Variants in DSC2 observed in about 807,000 individuals in gnomAD.
DSC2 encodes desmocollin 2.
DSC2 carries 51 observed loss-of-function variants against 87.6 expected under a neutral mutation model. The observed-to-expected ratio is 0.58, with a 90% CI of 0.46 to 0.74. The LOEUF is 0.74. Ranked by LOEUF, DSC2 falls within the 30% of genes least tolerant of loss-of-function variation. DSC2 has a pLI of 0.00. For missense variants in DSC2, 1,066 were observed against 1,089.5 expected (o/e 0.98, Z 0.30); for synonymous variants, 383 against 393.2 (o/e 0.97, Z 0.31).
At chr18:31,068,393 T>C (rs1986704099) in intron 15 of DSC2, 181 bp from the exon 16 acceptor site, 1 of 1,561,356 alleles carries the variant, frequency 6.4e-7, no homozygotes, top group Admixed American at 1.7e-5. Flanking sequence ...CATCACACTA[T>C]AAATTCAGTA....
At position 31,082,912 on chromosome 18, in the gene DSC2, T is replaced by C; in HGVS notation, c.1077+14A>G. On this transcript the variant is annotated intron_variant, in intron 8 of 15. Coordinates refer to ENST00000280904, the MANE Select transcript of DSC2 (RefSeq NM_024422.6). ...GGTCTATACATTTTTCTTTAATTAA[T>C]ATCATACACTTACAGAAGTACGAGT... 6.2e-7 allele frequency: 1 copy of C among 1,612,452 alleles called. No homozygotes were observed. Among genetic ancestry groups the C allele is most frequent in the Non-Finnish European group, 8.5e-7 (1 of 1,179,432 alleles).
In DSC2 at chr18:31,102,101, G is replaced by A; in HGVS notation, c.-130C>T. The A allele has an allele frequency of 2.6e-6, 2 of 756,552 alleles. No homozygotes were observed. The highest frequency in any genetic ancestry group is 4.1e-5 in the Admixed American group (1 of 24,342). The allele number at this position is 756,552 out of a possible 1,614,324, so 46.9% of individuals were successfully genotyped here. A position where few individuals can be genotyped will look rare whatever the true frequency, so the allele number is the denominator to read the frequency against. ...AGGAGCGCGAGGCGGAGGAGGTGGG[G>A]CGCGCGGAGAGGTGCTTTTCTTAGC... On this transcript the variant is annotated 5_prime_UTR_variant, in exon 1 of 16. Transcript: ENST00000280904.
At chr18:31,083,887 A>G (rs1243606976) in intron 7 of DSC2, among the ~76,000 whole-genome samples, 1 of 152,216 alleles carries the variant, frequency 6.6e-6, no homozygotes, top group Non-Finnish European at 1.5e-5. Flanking sequence ...AATTAAAAAC[A>G]ATACAGTAAT....
chr18:31,074,876 A>T lies in DSC2; in HGVS notation c.1695T>A (p.Ile565=). 1 of 1,613,930 alleles carries T rather than the reference A, an allele frequency of 6.2e-7. No homozygotes were observed. The highest frequency in any genetic ancestry group is 8.5e-7 in the Non-Finnish European group (1 of 1,179,938). Residue 565 remains isoleucine, a synonymous_variant, in exon 12 of 16, where the codon ATT becomes ATA. Transcript: ENST00000280904. The part of the protein sequence containing the change: ...GGRTCTGTLG[I]ILQDVNDNSP... ...TGTTATCATTCACGTCTTGAAGTAT[A>T]ATGCCCAGTGTCCCCGTACATGTTC... is the stretch of plus-strand genomic sequence containing the variant.
At chr18:31,078,378 A>C (rs940621771) in intron 11 of DSC2, among the ~76,000 whole-genome samples, 2 of 152,162 alleles carry the variant, frequency 1.3e-5, no homozygotes, top group African/African-American at 4.8e-5. Context: ...TCTATATCAC[A>C]ATGATGATAA....
intron 1 of DSC2, among the ~76,000 whole-genome samples, chr18:31,097,567 A>G (rs1362937940): frequency 1.3e-5 from 2 of 151,890 alleles, no homozygotes; most frequent in African/African-American, 4.9e-5. Flanking sequence ...AGGAAAAAAT[A>G]AAAAATTAAG....
intron 15 of DSC2, chr18:31,068,424 C>T (rs998761113): frequency 7.0e-6 from 10 of 1,427,714 alleles, no homozygotes; most frequent in East Asian, 6.8e-5. Flanking sequence ...CTAAAAGTCA[C>T]GCATGTGGCA....
intron 7 of DSC2, among the ~76,000 whole-genome samples, chr18:31,085,694 G>A (rs1410296965): frequency 6.6e-6 from 1 of 151,852 alleles, no homozygotes; most frequent in Non-Finnish European, 1.5e-5. Flanking sequence ...ATAGAGGAAG[G>A]AAGAGAAAAT....
At position 31,074,421 on chromosome 18, in the gene DSC2, A is replaced by ATGTG. The variant is rs71175757; in HGVS notation, c.1888+258_1888+261dup. Among the ~76,000 whole-genome samples, 665 of 140,020 alleles carry ATGTG rather than the reference A, an allele frequency of 4.7e-3. 3 individuals are homozygous for ATGTG. Among genetic ancestry groups the ATGTG allele is most frequent in the South Asian group, 7.2e-3 (30 of 4,154 alleles). 91.9% of individuals were successfully genotyped at this position (140,020 alleles called of 152,430 possible). A position where few individuals can be genotyped will look rare whatever the true frequency, so the allele number is the denominator to read the frequency against. Reference sequence around the variant, plus strand: ...AGAGAGAAAGAGAGAAAGAGAAAAAATGTGTGTGTGTGTGTGTGTGTGTGT... The same window carrying ATGTG: ...AGAGAGAAAGAGAGAAAGAGAAAAAATGTGTGTGTGTGTGTGTGTGTGTGTGTGT... On this transcript the variant is annotated intron_variant, in intron 12 of 15. Coordinates refer to ENST00000280904, the MANE Select transcript of DSC2 (RefSeq NM_024422.6).
Position 31,065,104 on chromosome 18 carries a change from A to C in DSC2, c.*2911T>G, listed in dbSNP as rs1986582294. 1 of 152,198 alleles carries C rather than the reference A, an allele frequency of 6.6e-6. No homozygotes were observed. The highest frequency in any genetic ancestry group is 2.4e-5 in the African/African-American group (1 of 41,456). 9.4% of individuals were successfully genotyped at this position (152,198 alleles called of 1,614,324 possible). The stretch of plus-strand genomic sequence containing the variant: ...TTACCTGCCTTTTCAGTTAAGCATC[A>C]AGATTTATCACACTGACTTCTGGCT... On this transcript the variant is annotated 3_prime_UTR_variant, in exon 16 of 16. Coordinates refer to ENST00000280904, the MANE Select transcript of DSC2 (RefSeq NM_024422.6).
In DSC2 at chr18:31,060,994, T is replaced by G. The variant is rs1028578427; in HGVS notation, c.*7021A>C. 2.6e-5 allele frequency: 4 copies of G among 152,146 alleles called. No homozygotes were observed. The highest frequency in any genetic ancestry group is 6.6e-5 in the Admixed American group (1 of 15,266). 9.4% of individuals were successfully genotyped at this position (152,146 alleles called of 1,614,324 possible). ...CCAAATAATCAATAAACCCAGTTAC[T>G]AAAACCCTAACGATTGTCAAACTTT... On this transcript the variant is annotated 3_prime_UTR_variant, in exon 16 of 16. Coordinates refer to ENST00000280904, the MANE Select transcript of DSC2 (RefSeq NM_024422.6).
In DSC2 at chr18:31,060,804, A is replaced by G. The variant is rs28441192; in HGVS notation, c.*7211T>C. Reference sequence around the variant, plus strand: ...TTTCTCTCGTTCACATGCATGTAGAAAGTAGAAACCACAGGGAACAATGTA... The same window carrying G: ...TTTCTCTCGTTCACATGCATGTAGAGAGTAGAAACCACAGGGAACAATGTA... On this transcript the variant is annotated 3_prime_UTR_variant, in exon 16 of 16. Transcript: ENST00000280904. 2.4e-3 allele frequency: 364 copies of G among 152,336 alleles called. 1 individual carries two copies. The highest frequency in any genetic ancestry group is 8.3e-3 in the African/African-American group (344 of 41,586). The allele number at this position is 152,336 out of a possible 1,614,324, so 9.4% of individuals were successfully genotyped here.
At chr18:31,069,512 C>G (rs1986755901) in intron 14 of DSC2, among the ~76,000 whole-genome samples, 1 of 151,998 alleles carries the variant, frequency 6.6e-6, no homozygotes, top group Admixed American at 6.5e-5. Flanking sequence ...ATGAGGAATT[C>G]AAGACCAGCC....
chr18:31,073,475 G>C (rs1049274522), intron 12 of DSC2, among the ~76,000 whole-genome samples: 1 of 151,946 alleles, frequency 6.6e-6, no homozygotes, highest in African/African-American at 2.4e-5. Flanking sequence ...CCAAGACATA[G>C]TAGTTTAGCT....
Position 31,095,133 on chromosome 18 carries a change from G to A in DSC2, c.70-1490C>T, listed in dbSNP as rs968853838. On this transcript the variant is annotated intron_variant, in intron 1 of 15. Transcript: ENST00000280904. ...TAAAGCAGGGAGAGAGGGTGACAAC[G>A]AGAATACCTGAGCGTAAATGAAGTG... Among the ~76,000 whole-genome samples the A allele has an allele frequency of 3.3e-5, 5 of 152,172 alleles. No homozygotes were observed. The East Asian group carries it at 7.7e-4, about 23-fold the overall frequency.
At chr18:31,093,284 C>T (rs1184695873) in intron 2 of DSC2, among the ~76,000 whole-genome samples, 1 of 152,166 alleles carries the variant, frequency 6.6e-6, no homozygotes, top group African/African-American at 2.4e-5. Flanking sequence ...TTTCCTGATG[C>T]TCTCGCCCTC....
intron 1 of DSC2, among the ~76,000 whole-genome samples, chr18:31,095,125 G>C (rs756384628): frequency 2.6e-4 from 39 of 152,204 alleles, no homozygotes; most frequent in Non-Finnish European, 5.4e-4. Context: ...GGGAGAGAGG[G>C]TGACAACGAG....
At chr18:31,101,766 C>CA in intron 1 of DSC2, 137 bp downstream of exon 1, 21 of 655,862 alleles carry the variant, frequency 3.2e-5, no homozygotes, top group East Asian at 8.9e-5. Flanking sequence ...CCCCCGCCAA[C>CA]TCCATTTTCT....
chr18:31,084,687 TG>T, intron 7 of DSC2, among the ~76,000 whole-genome samples: 1 of 151,660 alleles, frequency 6.6e-6, no homozygotes, highest in Non-Finnish European at 1.5e-5. Flanking sequence ...TTCCATAGAA[TG>T]CTATTTTCAC....
Sources: gnomAD v4.1 joint callset for allele counts (sites outside exome capture counted in the v4.1 genomes callset) on GRCh38, gnomAD v4.1.1 for gene constraint, MANE v1.5 for transcripts, NCBI Gene and HGNC (gene_info 2026-07-23, HGNC 2026-07-21) for gene names.